The following CCDC170 variants were observed in gnomAD, a reference collection of about 807,000 sequenced individuals.
CCDC170 encodes coiled-coil domain-containing protein 170.
A neutral mutation model predicts 72.6 loss-of-function variants in CCDC170; 69 were observed. The observed-to-expected ratio is 0.95, with a 90% CI of 0.78 to 1.16. The LOEUF is 1.16. Among genes scored for constraint, CCDC170 ranks in the 50% most tolerant of loss-of-function variants. CCDC170 has a pLI of 0.00. For synonymous variants in CCDC170, 300 were observed against 303.9 expected, an observed-to-expected ratio of 0.99 and a Z score of 0.13; for missense variants, 852 against 832.5, an observed-to-expected ratio of 1.02 and a Z score of -0.29.
At chr6:151,557,024 A>G (rs1350167842) in intron 5 of CCDC170, among the ~76,000 whole-genome samples, 1 of 152,028 alleles carries the variant, frequency 6.6e-6, no homozygotes, top group Non-Finnish European at 1.5e-5. Flanking sequence ...CAACATAATG[A>G]CCTCTCATTC....
rs1033740142 is a variant in CCDC170 at position 151,615,807 on chromosome 6, T to C, written c.1947+128T>C. On this transcript the variant is annotated intron_variant, in intron 10 of 10. Transcript: ENST00000239374. ...GACTGTTTCATGAATTTGTATGTCA[T>C]CGTTTTACGAGGGCCGTGCTAATTT... 4 of 735,306 alleles carry C rather than the reference T, an allele frequency of 5.4e-6. No individual in the cohort carries two copies. In the East Asian group the frequency reaches 7.5e-5, roughly 14 times the overall value. 45.5% of individuals were successfully genotyped at this position (735,306 alleles called of 1,614,324 possible). A position where few individuals can be genotyped will look rare whatever the true frequency, so the allele number is the denominator to read the frequency against.
chr6:151,523,679 C>A, intron 1 of CCDC170, among the ~76,000 whole-genome samples: 1 of 140,126 alleles, frequency 7.1e-6, no homozygotes, highest in Non-Finnish European at 1.5e-5. Flanking sequence ...GAGTAAGACT[C>A]TGTCTCAAAA....
chr6:151,592,907 T>A (rs552312286), intron 7 of CCDC170, 200 bp from the exon 8 acceptor site: 3 of 601,834 alleles, frequency 5.0e-6, no homozygotes, highest in Admixed American at 5.9e-5. Flanking sequence ...GTCAAGAGCA[T>A]TCAGACAAGG....
chr6:151,578,741 G>T (rs1172144119), intron 6 of CCDC170, among the ~76,000 whole-genome samples: 2 of 152,218 alleles, frequency 1.3e-5, no homozygotes, highest in Non-Finnish European at 2.9e-5. Context: ...GGAGGATTTG[G>T]TCGACACTTT....
intron 5 of CCDC170, among the ~76,000 whole-genome samples, chr6:151,561,808 C>T (rs1056143188): frequency 2.6e-5 from 4 of 152,016 alleles, no homozygotes; most frequent in African/African-American, 9.7e-5. Flanking sequence ...AATCTGTTTT[C>T]CAAATTGTAT....
At chr6:151,589,315 T>C (rs1776500400) in intron 7 of CCDC170, among the ~76,000 whole-genome samples, 1 of 152,082 alleles carries the variant, frequency 6.6e-6, no homozygotes, top group South Asian at 2.1e-4. Context: ...AAATGAAATA[T>C]TGCACCTGAG....
At chr6:151,590,400 G>A (rs959195702) in intron 7 of CCDC170, among the ~76,000 whole-genome samples, 8 of 151,968 alleles carry the variant, frequency 5.3e-5, no homozygotes. Context: ...ATTTTAATTG[G>A]GATTATGTTC....
chr6:151,506,844 G>C (rs1782072717), intron 1 of CCDC170, among the ~76,000 whole-genome samples: 1 of 152,202 alleles, frequency 6.6e-6, no homozygotes, highest in Non-Finnish European at 1.5e-5. Context: ...AAAAGACTAA[G>C]ATTTCCCAAG....
chr6:151,567,283 G>T lies in CCDC170; in HGVS notation c.775-5891G>T, dbSNP rs539181975. On this transcript the variant is annotated intron_variant, in intron 5 of 10. Coordinates refer to ENST00000239374, the MANE Select transcript of CCDC170 (RefSeq NM_025059.4). ...ACAGTAGAAAACAAATCTAACAGAG[G>T]TTTGTTGAGAATAGATTTTAAAGCA... is the stretch of plus-strand genomic sequence containing the variant. Among the ~76,000 whole-genome samples, 10 of 152,252 alleles carry T rather than the reference G, an allele frequency of 6.6e-5. No individual in the cohort carries two copies. In the East Asian group the frequency reaches 1.4e-3, roughly 21 times the overall value.
At chr6:151,554,613 A>G (rs1466407920) in intron 5 of CCDC170, among the ~76,000 whole-genome samples, 1 of 151,890 alleles carries the variant, frequency 6.6e-6, no homozygotes, top group African/African-American at 2.4e-5. Flanking sequence ...AATCCCAGCT[A>G]CTCGGGAGGC....
At chr6:151,571,790 T>C (rs1469451297) in intron 5 of CCDC170, among the ~76,000 whole-genome samples, 1 of 152,216 alleles carries the variant, frequency 6.6e-6, no homozygotes, top group Non-Finnish European at 1.5e-5. Context: ...GTAAATAGAA[T>C]TAAGTACACA....
chr6:151,570,523 A>C (rs1393566517), intron 5 of CCDC170, among the ~76,000 whole-genome samples: 1 of 152,226 alleles, frequency 6.6e-6, no homozygotes, highest in Non-Finnish European at 1.5e-5. Context: ...TGGTATTATA[A>C]GTAATCTAGA....
chr6:151,516,891 A>C (rs536021470), intron 1 of CCDC170, among the ~76,000 whole-genome samples: 24 of 152,336 alleles, frequency 1.6e-4, no homozygotes, highest in African/African-American at 5.5e-4. Context: ...TACTGTGCAC[A>C]TGCTTTGGCA....
intron 9 of CCDC170, among the ~76,000 whole-genome samples, chr6:151,615,121 C>T (rs1315204915): frequency 3.9e-5 from 6 of 152,156 alleles, no homozygotes; most frequent in Non-Finnish European, 7.3e-5. Context: ...GGTGCTTTTG[C>T]TTATGGACCT....
rs1777051124 is a variant in CCDC170, at chr6:151,620,887, T to C, written c.*2740T>C. ...ACTAAAAATGATCCATAGTGGTTAG[T>C]ACTGTAATTTCTGTTTATTACATGA... On this transcript the variant is annotated 3_prime_UTR_variant, in exon 11 of 11. Coordinates refer to ENST00000239374, the MANE Select transcript of CCDC170 (RefSeq NM_025059.4). The C allele has an allele frequency of 6.6e-6, 1 of 152,218 alleles. No individual in the cohort carries two copies. The highest frequency in any genetic ancestry group is 1.5e-5 in the Non-Finnish European group (1 of 68,042). The allele number at this position is 152,218 out of a possible 1,614,324, so 9.4% of individuals were successfully genotyped here. A position where few individuals can be genotyped will look rare whatever the true frequency, so the allele number is the denominator to read the frequency against.
At chr6:151,571,531 C>T (rs1261069971) in intron 5 of CCDC170, among the ~76,000 whole-genome samples, 2 of 152,066 alleles carry the variant, frequency 1.3e-5, no homozygotes, top group African/African-American at 4.8e-5. Flanking sequence ...AGTTCAAGAC[C>T]AGCCTGACCA....
At chr6:151,497,808 T>C (rs1351604074) in intron 1 of CCDC170, among the ~76,000 whole-genome samples, 1 of 152,016 alleles carries the variant, frequency 6.6e-6, no homozygotes, top group Non-Finnish European at 1.5e-5. Flanking sequence ...AAACCCCGTC[T>C]GTACTAAAAA....
At chr6:151,525,641 T>G (rs1782392818) in intron 1 of CCDC170, among the ~76,000 whole-genome samples, 1 of 152,194 alleles carries the variant, frequency 6.6e-6, no homozygotes, top group Non-Finnish European at 1.5e-5. Context: ...TAAGAACTAA[T>G]GATAATCCCA....
chr6:151,506,369 G>A (rs1583001226), intron 1 of CCDC170, among the ~76,000 whole-genome samples: 1 of 152,228 alleles, frequency 6.6e-6, no homozygotes, highest in South Asian at 2.1e-4. Context: ...TTAAAGTCAT[G>A]TCTGGTTCAC....
Sources: gnomAD v4.1 joint callset for allele counts (sites outside exome capture counted in the v4.1 genomes callset) on GRCh38, gnomAD v4.1.1 for gene constraint, MANE v1.5 for transcripts, NCBI Gene and HGNC (gene_info 2026-07-23, HGNC 2026-07-21) for gene names.